Variants in PRG2 observed in about 807,000 individuals in gnomAD.
The protein encoded by PRG2 is bone marrow proteoglycan.
PRG2 carries 23 observed loss-of-function variants against 24.7 expected under a neutral mutation model. That is an observed-to-expected ratio of 0.93 (90% confidence interval 0.67 to 1.32). The LOEUF (loss-of-function observed/expected upper bound fraction) is 1.32, where lower values mean the gene tolerates loss of function less well. Among genes scored for constraint, PRG2 ranks in the 40% most tolerant of loss-of-function variants. The pLI is 0.00. For synonymous variants in PRG2, 104 were observed against 99.8 expected, an observed-to-expected ratio of 1.04 and a Z score of -0.25; for missense variants, 271 against 280.9, an observed-to-expected ratio of 0.96 and a Z score of 0.25.
rs752027707 is a variant in PRG2, at chr11:57,389,002, C to T, written c.366+8G>A. On this transcript the variant is annotated splice_region_variant and intron_variant, in intron 3 of 5. Coordinates refer to ENST00000311862, the MANE Select transcript of PRG2 (RefSeq NM_002728.6). ...CTCCCACCTCAGCCTCAGCCATAGG[C>T]CACTCACCCAAGCTTGACTAAACGT... The T allele has an allele frequency of 6.2e-7, 1 of 1,611,612 alleles. No homozygotes were observed. Among genetic ancestry groups the T allele is most frequent in the South Asian group, 1.1e-5 (1 of 90,782 alleles).
intron 2 of PRG2, among the ~76,000 whole-genome samples, chr11:57,389,576 G>T (rs1162100321): frequency 1.3e-5 from 2 of 152,204 alleles, no homozygotes; most frequent in African/African-American, 2.4e-5. Flanking sequence ...TGTGAAATGG[G>T]TATACAATAC....
intron 1 of PRG2, 77 bp from the exon 2 acceptor site, chr11:57,390,033 A>G: frequency 2.4e-6 from 3 of 1,234,696 alleles, no homozygotes; most frequent in Non-Finnish European, 3.4e-6. Flanking sequence ...CCATTAGGGG[A>G]CCGTGGGAGT....
chr11:57,389,440 C>T, intron 2 of PRG2, 123 bp from the exon 3 acceptor site: 1 of 1,116,726 alleles, frequency 9.0e-7, no homozygotes, highest in South Asian at 1.6e-5. Context: ...GAAGGGGAAC[C>T]TGGAACCCAG....
chr11:57,389,211 C>T lies in PRG2; in HGVS notation c.165G>A (p.Glu55=). ...TTCCAGAGCCCCACTCCTCCTCTTC[C>T]TCCAGCTCCCTGCAAGGGGTCTCCT... ...EMEETPCREL[E]EEEEWGSGSE... The change falls in exon 3 of 6, where the codon GAG becomes GAA. Residue 55 remains glutamate (E), a synonymous_variant. Coordinates refer to ENST00000311862, the MANE Select transcript of PRG2 (RefSeq NM_002728.6). The T allele has an allele frequency of 6.2e-6, 10 of 1,614,246 alleles. No individual in the cohort carries two copies. The highest frequency in any genetic ancestry group is 8.5e-6 in the Non-Finnish European group (10 of 1,180,044).
intron 1 of PRG2, 68 bp from the exon 2 acceptor site, chr11:57,390,024 C>T (rs1857128217): frequency 2.3e-6 from 3 of 1,308,190 alleles, no homozygotes; most frequent in Non-Finnish European, 3.2e-6. Context: ...ACAATCACAC[C>T]ATTAGGGGAC....
rs945930405 is a variant in PRG2 at position 57,387,879 on chromosome 11, G to A, written c.499-14C>T. ...TCTGCAGCGACCCTGGAGAAAGCAAGAGGGGAAGAAGGGATGGGGCAGAGG... is the reference window on the plus strand; with the variant it reads ...TCTGCAGCGACCCTGGAGAAAGCAAAAGGGGAAGAAGGGATGGGGCAGAGG... On this transcript the variant is annotated splice_polypyrimidine_tract_variant and intron_variant, in intron 4 of 5. Transcript: ENST00000311862. 5.2e-6 allele frequency: 8 copies of A among 1,545,722 alleles called. No individual in the cohort carries two copies. Among genetic ancestry groups the A allele is most frequent in the Non-Finnish European group, 7.0e-6 (8 of 1,143,098 alleles).
chr11:57,387,694 T>G (rs1857071444), intron 5 of PRG2, 60 bp downstream of exon 5: 1 of 1,438,780 alleles, frequency 7.0e-7, no homozygotes, highest in Non-Finnish European at 9.4e-7. Context: ...TAGCATCTCC[T>G]CCTTGGGGCA....
chr11:57,390,124 G>A (rs745655241), intron 1 of PRG2, among the ~76,000 whole-genome samples, 168 bp from the exon 2 acceptor site: 1 of 152,110 alleles, frequency 6.6e-6, no homozygotes, highest in African/African-American at 2.4e-5. Flanking sequence ...TGATGCTCCA[G>A]GATCCAGGAC....
At chr11:57,388,503 G>GT in intron 4 of PRG2, 74 bp downstream of exon 4, 2 of 1,586,308 alleles carry the variant, frequency 1.3e-6, no homozygotes, top group Non-Finnish European at 8.6e-7. Flanking sequence ...GAGAAAAACA[G>GT]ACAAATCTGA....
At chr11:57,390,026 T>G (rs1812190114) in intron 1 of PRG2, 70 bp from the exon 2 acceptor site, 3 of 1,301,712 alleles carry the variant, frequency 2.3e-6, no homozygotes, top group Non-Finnish European at 2.2e-6. Context: ...AATCACACCA[T>G]TAGGGGACCG....
chr11:57,387,556 G>C (rs748531718), intron 5 of PRG2, 23 bp from the exon 6 acceptor site: 9 of 1,607,124 alleles, frequency 5.6e-6, no homozygotes, highest in Non-Finnish European at 7.7e-6. Flanking sequence ...AACAGAAAGG[G>C]ACTTTCAGCC....
intron 2 of PRG2, 131 bp downstream of exon 2, chr11:57,389,756 A>G: frequency 1.2e-6 from 1 of 817,338 alleles, no homozygotes. Context: ...TAGAGTCCCC[A>G]TCCCTTTAAG....
At chr11:57,388,811 C>A in intron 3 of PRG2, 103 bp from the exon 4 acceptor site, 1 of 1,519,316 alleles carries the variant, frequency 6.6e-7, no homozygotes, top group South Asian at 1.3e-5. Flanking sequence ...CTGCCACAAC[C>A]ATTTGAAGGT....
Position 57,388,557 on chromosome 11 carries a change from A to T in PRG2, c.498+20T>A. 6.2e-7 allele frequency: 1 copy of T among 1,613,206 alleles called. No homozygotes were observed. The highest frequency in any genetic ancestry group is 8.5e-7 in the Non-Finnish European group (1 of 1,179,332). On this transcript the variant is annotated intron_variant, in intron 4 of 5. Transcript: ENST00000311862. ...TGAGATCAGCAGGTGCACCCCATTT[A>T]GTGTTCACACTTCTCTTACCGAGCC...
rs540992519 is a variant in PRG2, at chr11:57,387,791, C to G, written c.573G>C (p.Trp191Cys). Reference sequence around the variant, plus strand: ...GGGCCACGCAGTGACCACCGCGGGACCAGGGCTGGTGAGCAGCCCAGTATG... The same window carrying G: ...GGGCCACGCAGTGACCACCGCGGGAGCAGGGCTGGTGAGCAGCCCAGTATG... ...NFAYWAAHQP[W>C]SRGGHCVALC... Residue 191 changes from tryptophan (W) to cysteine (C), a missense_variant, in exon 5 of 6, where the codon TGG (tryptophan) becomes TGC (cysteine). Trp to Cys is a radical substitution (Grantham distance 215). Transcript: ENST00000311862. 1 of 1,593,184 alleles carries G rather than the reference C, an allele frequency of 6.3e-7. No homozygotes were observed. The highest frequency in any genetic ancestry group is 8.5e-7 in the Non-Finnish European group (1 of 1,170,566).
chr11:57,387,380 T>C lies in PRG2; in HGVS notation c.*95A>G, dbSNP rs970753604. On this transcript the variant is annotated 3_prime_UTR_variant, in exon 6 of 6. Transcript: ENST00000311862. Reference sequence around the variant, plus strand: ...AATAAATCCATTTCAGTAAAACCCATTTTATTGCAGGGAGGTGGAGGGAGG... The same window carrying C: ...AATAAATCCATTTCAGTAAAACCCACTTTATTGCAGGGAGGTGGAGGGAGG... 5.8e-5 allele frequency: 64 copies of C among 1,101,576 alleles called. No individual in the cohort carries two copies. Among genetic ancestry groups the C allele is most frequent in the Admixed American group, 1.5e-4 (7 of 45,224 alleles). The allele number at this position is 1,101,576 out of a possible 1,614,324, so 68.2% of individuals were successfully genotyped here. A position where few individuals can be genotyped will look rare whatever the true frequency, so the allele number is the denominator to read the frequency against.
intron 5 of PRG2, 60 bp from the exon 6 acceptor site, chr11:57,387,593 G>T: frequency 1.3e-6 from 2 of 1,536,302 alleles, no homozygotes; most frequent in Admixed American, 1.7e-5. Context: ...TCAACCCACA[G>T]GAGGGCCTCT....
chr11:57,388,161 T>G (rs1857084233), intron 4 of PRG2, among the ~76,000 whole-genome samples: 1 of 151,696 alleles, frequency 6.6e-6, no homozygotes, highest in Non-Finnish European at 1.5e-5. Context: ...TTAATTTTTT[T>G]TTTATTTTAT....
rs769474621 is a variant in PRG2, at chr11:57,389,146, A to G, written c.230T>C (p.Ile77Thr). ...TTTGTCCACCATATCTGGCACTGAGATAGACTCAACAGCCCCATCTTTCTT... is the reference window on the plus strand; with the variant it reads ...TTTGTCCACCATATCTGGCACTGAGGTAGACTCAACAGCCCCATCTTTCTT... ...ASKKDGAVES[I>T]SVPDMVDKNL... The change falls in exon 3 of 6, where the codon ATC (isoleucine) becomes ACC (threonine). Residue 77 changes from isoleucine to threonine, a missense_variant. Physicochemically the swap from Ile to Thr is moderately conservative, Grantham distance 89. Transcript: ENST00000311862. 1 of 1,614,146 alleles carries G rather than the reference A, an allele frequency of 6.2e-7. No individual in the cohort carries two copies. Among genetic ancestry groups the G allele is most frequent in the South Asian group, 1.1e-5 (1 of 91,072 alleles).
Sources: allele counts gnomAD v4.1 joint callset (sites outside exome capture counted in the v4.1 genomes callset), GRCh38; gene constraint gnomAD v4.1.1; transcripts MANE v1.5; gene names NCBI Gene and HGNC (gene_info 2026-07-23, HGNC 2026-07-21).